Variants in EDIL3 observed in about 807,000 individuals in gnomAD.
EDIL3 encodes the protein EGF-like repeat and discoidin I-like domain-containing protein 3.
In EDIL3, 37 loss-of-function variants were observed where a neutral mutation model predicts 67.4. The observed-to-expected ratio is 0.55, with a 90% CI of 0.42 to 0.72. EDIL3 has a LOEUF of 0.72. EDIL3 is among the 30% of genes least tolerant of loss of function. The probability of loss-of-function intolerance (pLI) is 0.00; values close to 1 mark genes in which losing one functional copy is unlikely to be tolerated. For synonymous variants in EDIL3, 195 were observed against 196.3 expected (o/e 0.99, Z 0.05); for missense variants, 527 against 586.3 (o/e 0.90, Z 1.04).
At chr5:84,172,267 TA>T (rs1167653720) in intron 4 of EDIL3, among the ~76,000 whole-genome samples, 3 of 152,160 alleles carry the variant, frequency 2.0e-5, no homozygotes, top group Non-Finnish European at 4.4e-5. Context: ...TAACTTCAGG[TA>T]AAAATTTACG....
rs532038608 is a variant in EDIL3, at chr5:83,975,878, A to G, written c.1138-12518T>C. Among the ~76,000 whole-genome samples, 106 of 152,070 alleles carry G rather than the reference A, an allele frequency of 7.0e-4. 1 individual carries two copies. Among genetic ancestry groups the G allele is most frequent in the African/African-American group, 2.5e-3 (104 of 41,562 alleles). ...ACAAATAAAAAAACTATCCTCATAA[A>G]CAACTCACCAGATACGTCTCAAGCT... On this transcript the variant is annotated intron_variant, in intron 9 of 10. Coordinates refer to ENST00000296591, the MANE Select transcript of EDIL3 (RefSeq NM_005711.5).
chr5:84,135,790 A>G (rs1181539642), intron 5 of EDIL3, among the ~76,000 whole-genome samples: 1 of 152,076 alleles, frequency 6.6e-6, no homozygotes, highest in African/African-American at 2.4e-5. Context: ...ACTCATGCTC[A>G]ATGTCCTTCC....
intron 6 of EDIL3, among the ~76,000 whole-genome samples, chr5:84,100,768 T>C (rs1463018536): frequency 6.6e-6 from 1 of 152,140 alleles, no homozygotes; most frequent in African/African-American, 2.4e-5. Flanking sequence ...CCTATATTTC[T>C]TTGAGAAATT....
At chr5:84,383,919 G>A (rs1047427748) in intron 1 of EDIL3, among the ~76,000 whole-genome samples, 4 of 152,072 alleles carry the variant, frequency 2.6e-5, no homozygotes, top group African/African-American at 4.8e-5. Context: ...GGCTTCCCCC[G>A]CTCCCGCCCG....
At chr5:84,111,958 C>T (rs1747572330) in intron 5 of EDIL3, among the ~76,000 whole-genome samples, 1 of 152,026 alleles carries the variant, frequency 6.6e-6, no homozygotes, top group Admixed American at 6.6e-5. Context: ...AGAATAGGAG[C>T]TTGCATAGTG....
At chr5:83,967,889 A>G (rs531620873) in intron 9 of EDIL3, among the ~76,000 whole-genome samples, 2 of 152,250 alleles carry the variant, frequency 1.3e-5, no homozygotes, top group South Asian at 4.1e-4. Flanking sequence ...TACATCTAAA[A>G]TGCTCTTGTT....
intron 4 of EDIL3, among the ~76,000 whole-genome samples, chr5:84,144,839 G>A (rs752649944): frequency 6.6e-6 from 1 of 151,644 alleles, no homozygotes; most frequent in Non-Finnish European, 1.5e-5. Context: ...TCTCTCTCTG[G>A]TTTTAGCAGT....
At chr5:84,054,463 A>T (rs1746404059) in intron 9 of EDIL3, among the ~76,000 whole-genome samples, 2 of 152,234 alleles carry the variant, frequency 1.3e-5, no homozygotes, top group African/African-American at 2.4e-5. Context: ...GACCAGGGCA[A>T]TCAGGCAGGA....
chr5:83,946,507 ACT>A (rs1005652972), intron 10 of EDIL3, among the ~76,000 whole-genome samples: 1 of 151,868 alleles, frequency 6.6e-6, no homozygotes, highest in African/African-American at 2.4e-5. Context: ...CCTAAGGTTA[ACT>A]CTCTTGTGAT....
intron 3 of EDIL3, among the ~76,000 whole-genome samples, chr5:84,207,397 G>A (rs191504360): frequency 2.0e-5 from 3 of 152,172 alleles, no homozygotes; most frequent in African/African-American, 4.8e-5. Flanking sequence ...AAATAAAAGA[G>A]GATACAAACA....
intron 6 of EDIL3, among the ~76,000 whole-genome samples, chr5:84,081,642 T>C (rs1039466759): frequency 6.6e-6 from 1 of 152,182 alleles, no homozygotes; most frequent in Non-Finnish European, 1.5e-5. Context: ...GGCTTGACTT[T>C]CTTACATTTC....
chr5:84,271,191 TTAAC>T (rs1227013030), intron 1 of EDIL3, among the ~76,000 whole-genome samples: 1 of 152,100 alleles, frequency 6.6e-6, no homozygotes, highest in Non-Finnish European at 1.5e-5. Context: ...GAATGCCCGT[TTAAC>T]TATCACTTAA....
chr5:84,192,724 T>C (rs1238002238), intron 3 of EDIL3, among the ~76,000 whole-genome samples: 1 of 152,016 alleles, frequency 6.6e-6, no homozygotes, highest in East Asian at 1.9e-4. Flanking sequence ...ACAAAACAGG[T>C]GCACCTTCTA....
At chr5:84,289,907 C>T (rs1580057284) in intron 1 of EDIL3, among the ~76,000 whole-genome samples, 1 of 152,142 alleles carries the variant, frequency 6.6e-6, no homozygotes, top group Admixed American at 6.6e-5. Context: ...TTCTATACTT[C>T]CACAGACATA....
At chr5:84,229,003 C>T (rs75170580) in intron 3 of EDIL3, among the ~76,000 whole-genome samples, 1,759 of 152,204 alleles carry the variant, frequency 0.012, 41 homozygotes, top group African/African-American at 0.04. Flanking sequence ...CATCTAATGC[C>T]GAGGTCTTTT....
At chr5:83,967,901 GT>G (rs1744725438) in intron 9 of EDIL3, among the ~76,000 whole-genome samples, 1 of 152,082 alleles carries the variant, frequency 6.6e-6, no homozygotes, top group Non-Finnish European at 1.5e-5. Flanking sequence ...GCTCTTGTTT[GT>G]GCCTTCATAT....
chr5:84,213,530 A>G (rs1389655659), intron 3 of EDIL3, among the ~76,000 whole-genome samples: 2 of 152,238 alleles, frequency 1.3e-5, no homozygotes, highest in Non-Finnish European at 2.9e-5. Flanking sequence ...TGTATAGCTC[A>G]TTCTTTTTCA....
In EDIL3 at chr5:84,052,571, G is replaced by A. The variant is rs538757474; in HGVS notation, c.1137+7729C>T. 5.1e-3 allele frequency among the ~76,000 whole-genome samples: 777 copies of A among 152,170 alleles called. 4 individuals carry two copies. The highest frequency in any genetic ancestry group is 8.9e-3 in the Non-Finnish European group (606 of 68,012). Reference sequence around the variant, plus strand: ...GCTGTATTCAGGAAACCCATCTCACGTGCAGAGACACACATAGGCTCAAAA... The same window carrying A: ...GCTGTATTCAGGAAACCCATCTCACATGCAGAGACACACATAGGCTCAAAA... On this transcript the variant is annotated intron_variant, in intron 9 of 10. Transcript: ENST00000296591.
chr5:84,190,575 GTGTGTATATATATATATATA>G (rs1291456621), intron 3 of EDIL3, among the ~76,000 whole-genome samples: 3 of 61,750 alleles, frequency 4.9e-5, no homozygotes, highest in Non-Finnish European at 9.7e-5. Flanking sequence ...GTGTGTGTGT[GTGTGTATATATATATATATA>G]TATATATATA....
Sources: allele counts gnomAD v4.1 joint callset (sites outside exome capture counted in the v4.1 genomes callset), GRCh38; gene constraint gnomAD v4.1.1; transcripts MANE v1.5; gene names NCBI Gene and HGNC (gene_info 2026-07-23, HGNC 2026-07-21).